APBB2: variants seen among roughly 807,000 people sequenced by gnomAD.
APBB2 encodes Fe65-like 1.
Under a neutral mutation model 82.5 loss-of-function variants are expected in APBB2, and 38 were observed. The observed-to-expected ratio is 0.46, with a 90% CI of 0.36 to 0.60. APBB2 has a LOEUF of 0.60. Among genes scored for constraint, APBB2 ranks in the 20% least tolerant of loss-of-function variants. The pLI is 0.00. For missense variants in APBB2, 772 were observed against 972.3 expected, an observed-to-expected ratio of 0.79 and a Z score of 2.74; for synonymous variants, 341 against 368.2, an observed-to-expected ratio of 0.93 and a Z score of 0.85.
At chr4:41,115,560 T>C (rs565012279) in intron 2 of APBB2, among the ~76,000 whole-genome samples, 41 of 152,264 alleles carry the variant, frequency 2.7e-4, no homozygotes, top group Non-Finnish European at 4.9e-4. Context: ...GAGAAAATTT[T>C]TGCAATCTAT....
intron 1 of APBB2, among the ~76,000 whole-genome samples, chr4:41,157,822 C>A (rs1372821947): frequency 1.3e-5 from 2 of 152,160 alleles, no homozygotes; most frequent in African/African-American, 4.8e-5. Flanking sequence ...AAAACCCCGT[C>A]TCTACTAAAA....
chr4:40,997,538 T>C (rs1803964862), intron 6 of APBB2, among the ~76,000 whole-genome samples: 1 of 152,216 alleles, frequency 6.6e-6, no homozygotes, highest in Admixed American at 6.5e-5. Flanking sequence ...CAGTTATCAT[T>C]CTTCAAAGAC....
At chr4:40,986,577 C>T (rs1416385131) in intron 6 of APBB2, among the ~76,000 whole-genome samples, 1 of 152,154 alleles carries the variant, frequency 6.6e-6, no homozygotes, top group East Asian at 1.9e-4. Flanking sequence ...GAGCTGGGAA[C>T]GAGGCCACTA....
intron 12 of APBB2, among the ~76,000 whole-genome samples, chr4:40,864,256 AAAAACAAAAC>A (rs367804062): frequency 0.042 from 6,287 of 149,962 alleles, 435 homozygotes; most frequent in African/African-American, 0.15. Context: ...CCGTCTCAAT[AAAAACAAAAC>A]AAAACAAAAC....
At chr4:41,018,874 C>T (rs1263765220) in intron 5 of APBB2, among the ~76,000 whole-genome samples, 1 of 152,106 alleles carries the variant, frequency 6.6e-6, no homozygotes, top group African/African-American at 2.4e-5. Flanking sequence ...TGCAACAGTC[C>T]AGTCAAGAAA....
rs146709421 is a variant in APBB2, at chr4:40,870,380, C to T, written c.1529+19984G>A. Reference sequence around the variant, plus strand: ...CCCTCTCCCATTTAATATCTTACAACCAAGCTGCATCGGGGTTCCAAAGCT... The same window carrying T: ...CCCTCTCCCATTTAATATCTTACAATCAAGCTGCATCGGGGTTCCAAAGCT... On this transcript the variant is annotated intron_variant, in intron 12 of 17. Transcript: ENST00000508593. Among the ~76,000 whole-genome samples the T allele has an allele frequency of 6.6e-3, 1,011 of 152,292 alleles. 5 individuals are homozygous for T. Among genetic ancestry groups the T allele is most frequent in the South Asian group, 0.011 (52 of 4,822 alleles).
chr4:40,940,330 C>T (rs567945187), intron 7 of APBB2, among the ~76,000 whole-genome samples: 14 of 152,136 alleles, frequency 9.2e-5, no homozygotes, highest in Non-Finnish European at 1.8e-4. Flanking sequence ...ACTTACTCAG[C>T]GTAAATCACT....
chr4:41,159,357 T>A (rs1370904120), intron 1 of APBB2, among the ~76,000 whole-genome samples: 1 of 152,216 alleles, frequency 6.6e-6, no homozygotes, highest in Non-Finnish European at 1.5e-5. Context: ...TCAAAAGGGC[T>A]ATTTTTCTAT....
intron 12 of APBB2, among the ~76,000 whole-genome samples, chr4:40,835,419 G>A (rs1014858240): frequency 1.3e-5 from 2 of 152,154 alleles, no homozygotes; most frequent in Admixed American, 6.5e-5. Context: ...AATGAGGTTT[G>A]AGCTGCTTCT....
At chr4:40,840,220 T>C (rs921713350) in intron 12 of APBB2, among the ~76,000 whole-genome samples, 19 of 152,170 alleles carry the variant, frequency 1.2e-4, no homozygotes, top group African/African-American at 3.9e-4. Context: ...AGATCCAAAA[T>C]AGAATTCAAA....
chr4:40,821,140 A>G (rs947207773), intron 17 of APBB2, among the ~76,000 whole-genome samples: 2 of 152,234 alleles, frequency 1.3e-5, no homozygotes, highest in African/African-American at 4.8e-5. Flanking sequence ...TGTTGGGATT[A>G]CAGGCGTAAG....
At chr4:41,203,143 T>C (rs1232963924) in intron 1 of APBB2, among the ~76,000 whole-genome samples, 1 of 152,004 alleles carries the variant, frequency 6.6e-6, no homozygotes, top group African/African-American at 2.4e-5. Context: ...AAAAATTCAA[T>C]AAAACACCTC....
chr4:41,207,685 T>C (rs535345414), intron 1 of APBB2, among the ~76,000 whole-genome samples: 2 of 152,244 alleles, frequency 1.3e-5, no homozygotes, highest in South Asian at 4.1e-4. Flanking sequence ...TCATTCACAG[T>C]TCCTAGGACC....
intron 5 of APBB2, among the ~76,000 whole-genome samples, chr4:41,014,628 G>T (rs1485447116): frequency 6.6e-6 from 1 of 152,156 alleles, no homozygotes; most frequent in Admixed American, 6.5e-5. Flanking sequence ...GAAAAGCTAA[G>T]AAGTCTGAGG....
chr4:41,159,907 A>G (rs1167411327), intron 1 of APBB2, among the ~76,000 whole-genome samples: 260 of 35,546 alleles, frequency 7.3e-3, no homozygotes, highest in African/African-American at 0.033. Flanking sequence ...GAAGAAGGAG[A>G]AGGAGGAGGA....
At position 40,811,748 on chromosome 4, in the gene APBB2, C is replaced by T. The variant is rs1270713300; in HGVS notation, c.*4344G>A. On this transcript the variant is annotated 3_prime_UTR_variant, in exon 18 of 18. Transcript: ENST00000508593. ...GAAATTATTTACCACCATATAATGC[C>T]TGAAACCATAATGAAATTTTGTTAC... The T allele has an allele frequency of 6.6e-6, 1 of 152,134 alleles. No individual in the cohort carries two copies. Among genetic ancestry groups the T allele is most frequent in the Non-Finnish European group, 1.5e-5 (1 of 68,022 alleles). 9.4% of individuals were successfully genotyped at this position (152,134 alleles called of 1,614,324 possible).
At chr4:40,904,684 CTT>C (rs5857754) in intron 10 of APBB2, among the ~76,000 whole-genome samples, 23 of 133,822 alleles carry the variant, frequency 1.7e-4, no homozygotes, top group African/African-American at 2.2e-4. Flanking sequence ...TTTGTTATTG[CTT>C]TTTTTTTTTT....
intron 12 of APBB2, 110 bp from the exon 13 acceptor site, chr4:40,830,687 G>A (rs140931181): frequency 3.4e-4 from 220 of 651,378 alleles, no homozygotes; most frequent in African/African-American, 2.8e-3. Flanking sequence ...GGTAAACAAT[G>A]TATGCAATGA....
At chr4:41,106,567 C>T (rs1747320748) in intron 2 of APBB2, among the ~76,000 whole-genome samples, 1 of 152,138 alleles carries the variant, frequency 6.6e-6, no homozygotes, top group Non-Finnish European at 1.5e-5. Context: ...AGCTCCACCT[C>T]CCAGGTTCAC....
Sources: allele counts gnomAD v4.1 joint callset (sites outside exome capture counted in the v4.1 genomes callset), GRCh38; gene constraint gnomAD v4.1.1; transcripts MANE v1.5; gene names NCBI Gene and HGNC (gene_info 2026-07-23, HGNC 2026-07-21).